Variants in CENPN observed in about 807,000 individuals in gnomAD.
CENPN encodes interphase centromere complex protein 32.
CENPN carries 36 observed loss-of-function variants against 48.6 expected under a neutral mutation model. The ratio of observed to expected loss-of-function variants is 0.74; its 90% confidence interval spans 0.57 to 0.98. The LOEUF (loss-of-function observed/expected upper bound fraction) is 0.98. Among genes scored for constraint, CENPN ranks in the 50% least tolerant of loss-of-function variants. The pLI is 0.00. For missense variants in CENPN, 439 were observed against 399.2 expected (o/e 1.10, Z -0.85); for synonymous variants, 166 against 135.2 (o/e 1.23, Z -1.58).
intron 6 of CENPN, chr16:81,020,484 C>T (rs1227232014): frequency 4.7e-6 from 2 of 426,008 alleles, no homozygotes; most frequent in Non-Finnish European, 8.2e-6. Context: ...GATCACAAGA[C>T]AAAGCAACAC....
intron 3 of CENPN, chr16:81,016,690 A>AATC (rs1227937663): frequency 3.9e-5 from 6 of 152,426 alleles, no homozygotes. Context: ...TGAACCCGGG[A>AATC]GGCACAGGTT....
At chr16:81,020,350 G>C in intron 6 of CENPN, 74 bp downstream of exon 6, 1 of 1,412,790 alleles carries the variant, frequency 7.1e-7, no homozygotes, top group Non-Finnish European at 9.5e-7. Context: ...TTTAACTGTT[G>C]AATAAGTATT....
chr16:81,032,859 C>A, downstream of CENPN: 1 of 660,642 alleles, frequency 1.5e-6, no homozygotes, highest in Non-Finnish European at 2.5e-6. Context: ...ACTGACTTGA[C>A]AACCACTTTT....
chr16:81,025,806 G>A (rs1020112769), intron 8 of CENPN, among the ~76,000 whole-genome samples: 4 of 149,872 alleles, frequency 2.7e-5, no homozygotes, highest in African/African-American at 7.4e-5. Context: ...AGGTTCAAGC[G>A]ATTCTCTTTC....
At chr16:81,027,123 G>C (rs570288359) in intron 9 of CENPN, among the ~76,000 whole-genome samples, 10 of 152,174 alleles carry the variant, frequency 6.6e-5, no homozygotes, top group African/African-American at 2.2e-4. Flanking sequence ...TTTTACCTGG[G>C]TGATGTGCAC....
downstream of CENPN, among the ~76,000 whole-genome samples, chr16:81,031,828 C>A (rs1370131361): frequency 6.6e-6 from 1 of 152,168 alleles, no homozygotes; most frequent in African/African-American, 2.4e-5. Flanking sequence ...GTCTCAAACT[C>A]CTGACCTCAA....
chr16:81,027,973 G>C (rs2151715210), intron 9 of CENPN, among the ~76,000 whole-genome samples, 198 bp from the exon 10 acceptor site: 1 of 152,298 alleles, frequency 6.6e-6, no homozygotes, highest in South Asian at 2.1e-4. Context: ...CCAAAGTGCT[G>C]AGATTACAGG....
chr16:81,019,208 T>G (rs977543557), intron 5 of CENPN, among the ~76,000 whole-genome samples: 4 of 152,102 alleles, frequency 2.6e-5, no homozygotes, highest in African/African-American at 4.8e-5. Context: ...TTTCTTCTTC[T>G]TTTTGTTTTG....
chr16:81,013,779 G>A, intron 2 of CENPN, among the ~76,000 whole-genome samples: 1 of 152,048 alleles, frequency 6.6e-6, no homozygotes, highest in Non-Finnish European at 1.5e-5. Flanking sequence ...TATTGTCACT[G>A]TCTTGATTGT....
chr16:81,030,097 TG>T lies in CENPN; in HGVS notation c.*1451del. 1.9e-6 allele frequency: 1 copy of T among 531,070 alleles called. No homozygotes were observed. The highest frequency in any genetic ancestry group is 2.4e-6 in the Non-Finnish European group (1 of 415,012). 32.9% of individuals were successfully genotyped at this position (531,070 alleles called of 1,614,324 possible). ...CTTATTCACTACCATGAGAATAGTA[TG>T]GGGGAAATCGTTCCCATGACTCAAG... On this transcript the variant is annotated 3_prime_UTR_variant, in exon 11 of 11. Coordinates refer to ENST00000305850, the MANE Select transcript of CENPN (RefSeq NM_001100624.3).
At position 81,031,430 on chromosome 16, in the gene CENPN, T is replaced by C. The variant is rs1330270035; in HGVS notation, c.*2779T>C. ...AGAACACAAGTGGCTTCTAGCTGAA[T>C]CTGTCTCCCAAATTGCAATTCCTAA... On this transcript the variant is annotated 3_prime_UTR_variant, in exon 11 of 11. Coordinates refer to ENST00000305850, the MANE Select transcript of CENPN (RefSeq NM_001100624.3). 1.3e-5 allele frequency: 2 copies of C among 152,232 alleles called. No homozygotes were observed. The highest frequency in any genetic ancestry group is 2.9e-5 in the Non-Finnish European group (2 of 68,052). The allele number at this position is 152,232 out of a possible 1,614,324, so 9.4% of individuals were successfully genotyped here.
intron 6 of CENPN, chr16:81,020,569 G>A (rs1970141602): frequency 4.0e-6 from 1 of 249,388 alleles, no homozygotes; most frequent in Admixed American, 5.2e-5. Context: ...AAGAAACAGA[G>A]TGTTGTTATC....
chr16:81,029,420 G>C lies in CENPN; in HGVS notation c.*769G>C. 1 of 515,360 alleles carries C rather than the reference G, an allele frequency of 1.9e-6. No individual in the cohort carries two copies. Among genetic ancestry groups the C allele is most frequent in the Non-Finnish European group, 2.5e-6 (1 of 400,924 alleles). The allele number at this position is 515,360 out of a possible 1,614,324, so 31.9% of individuals were successfully genotyped here. A position where few individuals can be genotyped will look rare whatever the true frequency, so the allele number is the denominator to read the frequency against. ...TTTTATTTCTTTATTTATTTATTGA[G>C]ACAGGGTCTCACTGTGTCACCCAAG... On this transcript the variant is annotated 3_prime_UTR_variant, in exon 11 of 11. Transcript: ENST00000305850.
intron 9 of CENPN, 75 bp from the exon 10 acceptor site, chr16:81,028,096 T>C: frequency 1.7e-6 from 2 of 1,158,618 alleles, no homozygotes; most frequent in Non-Finnish European, 2.5e-6. Flanking sequence ...AAACGTATCA[T>C]TATGATTTCA....
At position 81,028,702 on chromosome 16, in the gene CENPN, C is replaced by T. The variant is rs374449585; in HGVS notation, c.*51C>T. The T allele has an allele frequency of 1.3e-5, 20 of 1,580,766 alleles. No individual in the cohort carries two copies. The highest frequency in any genetic ancestry group is 1.5e-5 in the Non-Finnish European group (17 of 1,168,710). ...CTCCTCCTTCTTGATATTGCACATG[C>T]ACTTCAGTTCATGGCTAGCTGTATA... On this transcript the variant is annotated 3_prime_UTR_variant, in exon 11 of 11. Coordinates refer to ENST00000305850, the MANE Select transcript of CENPN (RefSeq NM_001100624.3).
At chr16:81,025,088 A>C (rs1241385928) in intron 8 of CENPN, among the ~76,000 whole-genome samples, 1 of 152,206 alleles carries the variant, frequency 6.6e-6, no homozygotes, top group Admixed American at 6.5e-5. Flanking sequence ...CTTAATCTTC[A>C]CAGTAGTCCT....
chr16:81,022,537 A>G, intron 6 of CENPN, 60 bp from the exon 7 acceptor site: 1 of 1,380,950 alleles, frequency 7.2e-7, no homozygotes, highest in Non-Finnish European at 1.0e-6. Flanking sequence ...TTACTTTGAC[A>G]AGTATTATAA....
intron 8 of CENPN, among the ~76,000 whole-genome samples, 160 bp downstream of exon 8, chr16:81,024,938 C>G (rs544806889): frequency 6.6e-6 from 1 of 152,198 alleles, no homozygotes; most frequent in Admixed American, 6.5e-5. Flanking sequence ...GAAAGCTAAT[C>G]TACCATAGTT....
At chr16:81,013,280 G>A (rs144176880) in intron 2 of CENPN, among the ~76,000 whole-genome samples, 1 of 152,222 alleles carries the variant, frequency 6.6e-6, no homozygotes, top group South Asian at 2.1e-4. Flanking sequence ...CCAAAAAAAT[G>A]AGTACACACT....
Sources: gnomAD v4.1 joint callset for allele counts (sites outside exome capture counted in the v4.1 genomes callset) on GRCh38, gnomAD v4.1.1 for gene constraint, MANE v1.5 for transcripts, NCBI Gene and HGNC (gene_info 2026-07-23, HGNC 2026-07-21) for gene names.